RALGAPA1: variants seen among roughly 807,000 people sequenced by gnomAD.
The protein encoded by RALGAPA1 is Ral GTPase activating protein catalytic subunit alpha 1, also known as ral GTPase-activating protein subunit alpha-1.
A neutral mutation model predicts 269.6 loss-of-function variants in RALGAPA1; 52 were observed. The observed-to-expected ratio is 0.19, with a 90% CI of 0.15 to 0.24. RALGAPA1 has a LOEUF of 0.24. RALGAPA1 is among the 10% of genes least tolerant of loss of function. The pLI is 1.00. For missense variants in RALGAPA1, 1,917 were observed against 3,013.9 expected (o/e 0.64, Z 8.52); for synonymous variants, 817 against 1,008.3 (o/e 0.81, Z 3.60).
At chr14:35,554,338 C>CTTTTTTTTT (rs869302363) in intron 39 of RALGAPA1, among the ~76,000 whole-genome samples, 16 of 85,764 alleles carry the variant, frequency 1.9e-4, no homozygotes, top group Non-Finnish European at 3.0e-4. Flanking sequence ...AATACACTTT[C>CTTTTTTTTT]TTTTTTTTTT....
intron 1 of RALGAPA1, among the ~76,000 whole-genome samples, chr14:35,779,132 G>C (rs1207680233): frequency 1.3e-5 from 2 of 152,122 alleles, no homozygotes; most frequent in African/African-American, 4.8e-5. Flanking sequence ...GTTAAATATA[G>C]TTTATCAAAT....
chr14:35,577,635 A>G (rs931468005), intron 37 of RALGAPA1, among the ~76,000 whole-genome samples: 5 of 152,212 alleles, frequency 3.3e-5, no homozygotes, highest in African/African-American at 9.6e-5. Flanking sequence ...TCTTATGGCA[A>G]TGCACTCATT....
intron 37 of RALGAPA1, among the ~76,000 whole-genome samples, chr14:35,581,896 T>C (rs1408131651): frequency 6.6e-6 from 1 of 152,176 alleles, no homozygotes; most frequent in Non-Finnish European, 1.5e-5. Flanking sequence ...TATAGCTAAA[T>C]TGAAAACAGG....
At chr14:35,606,436 C>T (rs1225556616) in intron 35 of RALGAPA1, among the ~76,000 whole-genome samples, 1 of 151,994 alleles carries the variant, frequency 6.6e-6, no homozygotes, top group African/African-American at 2.4e-5. Flanking sequence ...AAGGGTGCAG[C>T]AAAAATAAGG....
chr14:35,663,122 T>C (rs1468062646), intron 27 of RALGAPA1, among the ~76,000 whole-genome samples: 1 of 152,078 alleles, frequency 6.6e-6, no homozygotes, highest in African/African-American at 2.4e-5. Flanking sequence ...CAGGCTGGTC[T>C]TGAACTCCTG....
At chr14:35,570,067 C>T (rs375062601) in intron 39 of RALGAPA1, among the ~76,000 whole-genome samples, 1 of 150,972 alleles carries the variant, frequency 6.6e-6, no homozygotes, top group Non-Finnish European at 1.5e-5. Flanking sequence ...GTCAGGAGTT[C>T]GAGACCAGCC....
intron 15 of RALGAPA1, among the ~76,000 whole-genome samples, chr14:35,722,674 T>C (rs972308552): frequency 2.0e-5 from 3 of 151,992 alleles, no homozygotes; most frequent in Non-Finnish European, 2.9e-5. Context: ...ATTAATGATA[T>C]AATCATTAGG....
chr14:35,565,744 T>A (rs181073465), intron 39 of RALGAPA1, among the ~76,000 whole-genome samples: 29 of 152,332 alleles, frequency 1.9e-4, no homozygotes, highest in African/African-American at 7.0e-4. Context: ...CAAATTTCTA[T>A]GTATAATAAA....
chr14:35,623,441 T>C (rs928518493), intron 35 of RALGAPA1, among the ~76,000 whole-genome samples: 23 of 151,526 alleles, frequency 1.5e-4, no homozygotes, highest in African/African-American at 5.3e-4. Context: ...AACAGAGAAT[T>C]TGAAAACAGA....
Position 35,570,625 on chromosome 14 carries a change from A to G in RALGAPA1, c.7488T>C (p.Tyr2496=), listed in dbSNP as rs749753849. 1 of 1,603,228 alleles carries G rather than the reference A, an allele frequency of 6.2e-7. No homozygotes were observed. Among genetic ancestry groups the G allele is most frequent in the South Asian group, 1.1e-5 (1 of 88,334 alleles). The change falls in exon 39 of 42, where the codon TAT becomes TAC. Residue 2496 remains tyrosine, a synonymous_variant. Coordinates refer to ENST00000680220, the MANE Select transcript of RALGAPA1 (RefSeq NM_001346249.2). The part of the protein sequence containing the change: ...SRALKSLIPL[Y]QNFYEERARY... ...CATTAAAAAAAGGATACAAGTTTTG[A>G]TACAATGGAATCAGAGATTTCAGAG...
intron 17 of RALGAPA1, among the ~76,000 whole-genome samples, chr14:35,691,387 T>C (rs745928539): frequency 2.0e-5 from 3 of 151,828 alleles, no homozygotes; most frequent in Non-Finnish European, 4.4e-5. Context: ...CAAAAAAAAA[T>C]TGTTTTCAGA....
At chr14:35,564,442 A>T (rs1008551560) in intron 39 of RALGAPA1, 1 of 152,208 alleles carries the variant, frequency 6.6e-6, no homozygotes, top group African/African-American at 2.4e-5. Flanking sequence ...CATCAATTCC[A>T]TTCCACTTAG....
chr14:35,580,850 T>G (rs2057901627), intron 37 of RALGAPA1, among the ~76,000 whole-genome samples: 2 of 152,192 alleles, frequency 1.3e-5, no homozygotes. Context: ...TTATACTGAC[T>G]GTCGACTATC....
rs980873834 is a variant in RALGAPA1, at chr14:35,660,143, A to G, written c.5329-947T>C. On this transcript the variant is annotated intron_variant, in intron 27 of 41. Coordinates refer to ENST00000680220, the MANE Select transcript of RALGAPA1 (RefSeq NM_001346249.2). ...AAAGATGCTCACTCTCGCCACTTCT[A>G]TTCAACATAGTATTGGAAGTCCTAG... Among the ~76,000 whole-genome samples, 5 of 152,090 alleles carry G rather than the reference A, an allele frequency of 3.3e-5. No homozygotes were observed. The South Asian group carries it at 6.2e-4, about 19-fold the overall frequency.
intron 4 of RALGAPA1, chr14:35,766,456 AG>A: frequency 6.4e-7 from 1 of 1,559,632 alleles, no homozygotes; most frequent in East Asian, 2.2e-5. Flanking sequence ...TTTGAGTCTG[AG>A]GGGGCCAAAG....
At chr14:35,697,369 C>A (rs375052960) in intron 17 of RALGAPA1, among the ~76,000 whole-genome samples, 1 of 150,984 alleles carries the variant, frequency 6.6e-6, no homozygotes, top group Non-Finnish European at 1.5e-5. Context: ...TTTTTTGAGA[C>A]GGAGTCTTGC....
At chr14:35,746,843 T>C (rs965236352) in intron 10 of RALGAPA1, among the ~76,000 whole-genome samples, 2 of 151,606 alleles carry the variant, frequency 1.3e-5, no homozygotes, top group Non-Finnish European at 2.9e-5. Context: ...AAAATAACTT[T>C]AGAACTTGAA....
At chr14:35,673,878 G>A (rs534368368) in intron 24 of RALGAPA1, among the ~76,000 whole-genome samples, 11 of 152,050 alleles carry the variant, frequency 7.2e-5, no homozygotes, top group African/African-American at 2.2e-4. Flanking sequence ...CACCTCACCC[G>A]GTCACAACTT....
intron 27 of RALGAPA1, 107 bp from the exon 28 acceptor site, chr14:35,659,303 A>G (rs745479343): frequency 4.6e-6 from 3 of 657,174 alleles, no homozygotes; most frequent in Admixed American, 3.3e-5. Context: ...TCATGTATGT[A>G]CTTTCAATAA....
Sources: gnomAD v4.1 joint callset for allele counts (sites outside exome capture counted in the v4.1 genomes callset) on GRCh38, gnomAD v4.1.1 for gene constraint, MANE v1.5 for transcripts, NCBI Gene and HGNC (gene_info 2026-07-23, HGNC 2026-07-21) for gene names.